The following MISP3 variants were observed in gnomAD, a reference collection of about 807,000 sequenced individuals.
MISP3 encodes uncharacterized protein MISP3.
A neutral mutation model predicts 5.5 loss-of-function variants in MISP3; 9 were observed. The ratio of observed to expected loss-of-function variants is 1.65; its 90% CI spans 0.99 to 2.87. The LOEUF is 2.87. Ranked by LOEUF, MISP3 falls within the 30% of genes most tolerant of loss-of-function variation. The pLI is 0.00. For missense variants in MISP3, 152 were observed against 84.1 expected (o/e 1.81, Z -3.16); for synonymous variants, 87 against 38.1 (o/e 2.28, Z -4.73).
rs1167093199 is a variant in MISP3 at position 14,073,273 on chromosome 19, C to A, written c.-37C>A. 1 of 690,150 alleles carries A rather than the reference C, an allele frequency of 1.4e-6. No homozygotes were observed. Among genetic ancestry groups the A allele is most frequent in the Non-Finnish European group, 2.7e-6 (1 of 376,768 alleles). The allele number at this position is 690,150 out of a possible 1,614,324, so 42.8% of individuals were successfully genotyped here. ...CCCCCCACCTGCGTTTTCCGCCGTGCCCCGAGGCTCCCCAGCGTCCCCCGG... is the reference window on the plus strand; with the variant it reads ...CCCCCCACCTGCGTTTTCCGCCGTGACCCGAGGCTCCCCAGCGTCCCCCGG... On this transcript the variant is annotated 5_prime_UTR_variant, in exon 1 of 3. Transcript: ENST00000587086. This position sits in a 1 kb window ranked among gnomAD's most constrained non-coding sequence, Gnocchi z 8.5.
In MISP3 at chr19:14,073,900, C is replaced by CT. The variant is rs1568515143; in HGVS notation, c.568+23_568+24insT. The CT allele has an allele frequency of 6.0e-6, 4 of 661,398 alleles. No homozygotes were observed. The African/African-American group carries it at 1.1e-4, about 18-fold the overall frequency. 41.0% of individuals were successfully genotyped at this position (661,398 alleles called of 1,614,324 possible). ...CCGGTAAGCCGCGGGCGTAGCAACGCCGGGACCCCCAGGGTTCCAGCCGCC... is the reference window on the plus strand; with the variant it reads ...CCGGTAAGCCGCGGGCGTAGCAACGCTCGGGACCCCCAGGGTTCCAGCCGCC... On this transcript the variant is annotated intron_variant, in intron 1 of 2. Transcript: ENST00000587086. This position sits in a 1 kb window ranked among gnomAD's most constrained non-coding sequence, Gnocchi z 8.5.
In MISP3 at chr19:14,074,354, C is replaced by G; in HGVS notation, c.569-36C>G. ...GCGGCCGGCCTTTCATCCTGGCTGC[C>G]GCCAGCTGGTGAGCTGAGCGCCCCT... is the stretch of plus-strand genomic sequence containing the variant. On this transcript the variant is annotated intron_variant, in intron 1 of 2. Transcript: ENST00000587086. The surrounding 1 kb of genome is among the most constrained non-coding windows in gnomAD (Gnocchi z 4.4). 1 of 701,216 alleles carries G rather than the reference C, an allele frequency of 1.4e-6. No individual in the cohort carries two copies. Among genetic ancestry groups the G allele is most frequent in the Non-Finnish European group, 2.6e-6 (1 of 384,216 alleles). 43.4% of individuals were successfully genotyped at this position (701,216 alleles called of 1,614,324 possible).
chr19:14,074,158 G>C lies in MISP3; in HGVS notation c.569-232G>C. The C allele has an allele frequency of 1.7e-6, 1 of 593,266 alleles. No homozygotes were observed. Among genetic ancestry groups the C allele is most frequent in the East Asian group, 2.8e-5 (1 of 35,584 alleles). 36.8% of individuals were successfully genotyped at this position (593,266 alleles called of 1,614,324 possible). ...ATGTCTTCCTTTTTGTCGGGTTCCA[G>C]GGAACCCTGACTGGGTTCTGGCACT... is the stretch of plus-strand genomic sequence containing the variant. On this transcript the variant is annotated intron_variant, in intron 1 of 2. Coordinates refer to ENST00000587086, the MANE Select transcript of MISP3 (RefSeq NM_001291291.2). This position sits in a 1 kb window ranked among gnomAD's most constrained non-coding sequence, Gnocchi z 4.4.
chr19:14,074,852 T>A lies in MISP3; in HGVS notation c.*129T>A. ...TTGGGGAAGATGAAATCGACTTGCC[T>A]TTGTGAAATTGACCAGCCCCCTCTA... On this transcript the variant is annotated 3_prime_UTR_variant, in exon 3 of 3. Transcript: ENST00000587086. The surrounding 1 kb of genome is among the most constrained non-coding windows in gnomAD (Gnocchi z 4.4). 1 of 656,438 alleles carries A rather than the reference T, an allele frequency of 1.5e-6. No homozygotes were observed. Among genetic ancestry groups the A allele is most frequent in the Non-Finnish European group, 2.8e-6 (1 of 352,486 alleles). 40.7% of individuals were successfully genotyped at this position (656,438 alleles called of 1,614,324 possible).
chr19:14,073,933 A>G lies in MISP3; in HGVS notation c.568+56A>G. 1.5e-6 allele frequency: 1 copy of G among 682,564 alleles called. No homozygotes were observed. The highest frequency in any genetic ancestry group is 1.5e-5 in the South Asian group (1 of 66,242). The allele number at this position is 682,564 out of a possible 1,614,324, so 42.3% of individuals were successfully genotyped here. A position where few individuals can be genotyped will look rare whatever the true frequency, so the allele number is the denominator to read the frequency against. On this transcript the variant is annotated intron_variant, in intron 1 of 2. Coordinates refer to ENST00000587086, the MANE Select transcript of MISP3 (RefSeq NM_001291291.2). This position sits in a 1 kb window ranked among gnomAD's most constrained non-coding sequence, Gnocchi z 8.5. ...CCCAGGGTTCCAGCCGCCCCCACCG[A>G]TTGCCCAACTTCAGTGGCCCCTCCT...
Position 14,073,250 on chromosome 19 carries a change from C to T in MISP3, c.-60C>T, listed in dbSNP as rs1348844462. ...CTCCTCCAGGTCAGGCTCGGAAGCC[C>T]CCCACCTGCGTTTTCCGCCGTGCCC... On this transcript the variant is annotated 5_prime_UTR_variant, in exon 1 of 3. Coordinates refer to ENST00000587086, the MANE Select transcript of MISP3 (RefSeq NM_001291291.2). This position sits in a 1 kb window ranked among gnomAD's most constrained non-coding sequence, Gnocchi z 8.5. The T allele has an allele frequency of 2.9e-6, 2 of 684,918 alleles. No individual in the cohort carries two copies. The highest frequency in any genetic ancestry group is 3.0e-5 in the South Asian group (2 of 66,762). The allele number at this position is 684,918 out of a possible 1,614,324, so 42.4% of individuals were successfully genotyped here.
chr19:14,073,040 G>T lies in MISP3; in HGVS notation c.-270G>T, dbSNP rs893692580. On this transcript the variant is annotated 5_prime_UTR_variant, in exon 1 of 3. Transcript: ENST00000587086. The surrounding 1 kb of genome is among the most constrained non-coding windows in gnomAD (Gnocchi z 8.5). Reference sequence around the variant, plus strand: ...GGTCCCCAAGCCCTCCGCAAAGGACGTGGAGATCCTGGAGCAAGAGAGCGA... The same window carrying T: ...GGTCCCCAAGCCCTCCGCAAAGGACTTGGAGATCCTGGAGCAAGAGAGCGA... 21 of 552,678 alleles carry T rather than the reference G, an allele frequency of 3.8e-5. No homozygotes were observed. Among genetic ancestry groups the T allele is most frequent in the Admixed American group, 3.1e-4 (14 of 45,172 alleles). The allele number at this position is 552,678 out of a possible 1,614,324, so 34.2% of individuals were successfully genotyped here.
rs912819200 is a variant in MISP3 at position 14,073,348 on chromosome 19, C to G, written c.39C>G (p.Cys13Trp). The change falls in exon 1 of 3, where the codon TGC (cysteine) becomes TGG (tryptophan). Residue 13 changes from cysteine (C) to tryptophan (W), a missense_variant. Transcript: ENST00000587086. This position sits in a 1 kb window ranked among gnomAD's most constrained non-coding sequence, Gnocchi z 8.5. ...TCGAGCGCGAAATCCGCCGCAGCTG[C>G]GAACGCGAGGAGAGCCTGCGCCGGA... ...TPIEREIRRSCEREESLRRSR... is the reference protein window; with the variant it reads ...TPIEREIRRSWEREESLRRSR... 4.3e-6 allele frequency: 3 copies of G among 699,654 alleles called. No individual in the cohort carries two copies. In the African/African-American group the frequency reaches 5.3e-5, roughly 12 times the overall value. 43.3% of individuals were successfully genotyped at this position (699,654 alleles called of 1,614,324 possible).
Position 14,074,192 on chromosome 19 carries a change from C to T in MISP3, c.569-198C>T, listed in dbSNP as rs1361628196. On this transcript the variant is annotated intron_variant, in intron 1 of 2. Transcript: ENST00000587086. The surrounding 1 kb of genome is among the most constrained non-coding windows in gnomAD (Gnocchi z 4.4). Reference sequence around the variant, plus strand: ...GACTGGGTTCTGGCACTCCTGGGTCCTCCCTCTGAATTTTCGGGCTCCTGC... The same window carrying T: ...GACTGGGTTCTGGCACTCCTGGGTCTTCCCTCTGAATTTTCGGGCTCCTGC... 2 of 597,052 alleles carry T rather than the reference C, an allele frequency of 3.3e-6. No individual in the cohort carries two copies. The highest frequency in any genetic ancestry group is 2.0e-5 in the South Asian group (1 of 49,246). 37.0% of individuals were successfully genotyped at this position (597,052 alleles called of 1,614,324 possible). A position where few individuals can be genotyped will look rare whatever the true frequency, so the allele number is the denominator to read the frequency against.
In MISP3 at chr19:14,072,999, C is replaced by T. The variant is rs1052352748; in HGVS notation, c.-311C>T. 2.0e-6 allele frequency: 1 copy of T among 498,572 alleles called. No homozygotes were observed. The highest frequency in any genetic ancestry group is 1.5e-5 in the South Asian group (1 of 64,954). The allele number at this position is 498,572 out of a possible 1,614,324, so 30.9% of individuals were successfully genotyped here. On this transcript the variant is annotated 5_prime_UTR_variant, in exon 1 of 3. Transcript: ENST00000587086. This position sits in a 1 kb window ranked among gnomAD's most constrained non-coding sequence, Gnocchi z 6.8. The stretch of plus-strand genomic sequence containing the variant: ...AGACAGCGAAGCCCCAGAGCTGCTG[C>T]GGAGCTGAACACCGAGGTCCCCAAG...
rs1976666501 is a variant in MISP3, at chr19:14,074,886, ACAGTCCCC to A, written c.*166_*173del. The A allele has an allele frequency of 3.3e-6, 2 of 615,206 alleles. No individual in the cohort carries two copies. The highest frequency in any genetic ancestry group is 3.5e-5 in the South Asian group (2 of 56,742). The allele number at this position is 615,206 out of a possible 1,614,324, so 38.1% of individuals were successfully genotyped here. A position where few individuals can be genotyped will look rare whatever the true frequency, so the allele number is the denominator to read the frequency against. On this transcript the variant is annotated 3_prime_UTR_variant, in exon 3 of 3. Coordinates refer to ENST00000587086, the MANE Select transcript of MISP3 (RefSeq NM_001291291.2). This position sits in a 1 kb window ranked among gnomAD's most constrained non-coding sequence, Gnocchi z 4.4. Reference sequence around the variant, plus strand: ...TTGACCAGCCCCCTCTATAAAACTTACAGTCCCCCATTGGGAAACTGACCACCACCCAC... The same window carrying A: ...TTGACCAGCCCCCTCTATAAAACTTACATTGGGAAACTGACCACCACCCAC...
chr19:14,072,977 C>G lies in MISP3; in HGVS notation c.-333C>G, dbSNP rs549667559. On this transcript the variant is annotated 5_prime_UTR_variant, in exon 1 of 3. Transcript: ENST00000587086. This position sits in a 1 kb window ranked among gnomAD's most constrained non-coding sequence, Gnocchi z 6.8. ...AGGGCCAGGAGTCCCCAGGGCCAGA[C>G]AGCGAAGCCCCAGAGCTGCTGCGGA... 18 of 482,062 alleles carry G rather than the reference C, an allele frequency of 3.7e-5. No homozygotes were observed. Among genetic ancestry groups the G allele is most frequent in the African/African-American group, 2.5e-4 (13 of 51,170 alleles). The allele number at this position is 482,062 out of a possible 1,614,324, so 29.9% of individuals were successfully genotyped here.
Position 14,074,470 on chromosome 19 carries a change from G to A in MISP3, c.642+7G>A. 1 of 702,400 alleles carries A rather than the reference G, an allele frequency of 1.4e-6. No homozygotes were observed. Among genetic ancestry groups the A allele is most frequent in the Non-Finnish European group, 2.6e-6 (1 of 384,856 alleles). 43.5% of individuals were successfully genotyped at this position (702,400 alleles called of 1,614,324 possible). On this transcript the variant is annotated splice_region_variant and intron_variant, in intron 2 of 2. Coordinates refer to ENST00000587086, the MANE Select transcript of MISP3 (RefSeq NM_001291291.2). The surrounding 1 kb of genome is among the most constrained non-coding windows in gnomAD (Gnocchi z 4.4). The stretch of plus-strand genomic sequence containing the variant: ...GGAGAACGGCCTGGAGCAGGTGGGA[G>A]CCCCCTTACCCGTGTGCCTCTAGCG...
chr19:14,074,852 T>C lies in MISP3; in HGVS notation c.*129T>C. ...TTGGGGAAGATGAAATCGACTTGCC[T>C]TTGTGAAATTGACCAGCCCCCTCTA... On this transcript the variant is annotated 3_prime_UTR_variant, in exon 3 of 3. Transcript: ENST00000587086. This position sits in a 1 kb window ranked among gnomAD's most constrained non-coding sequence, Gnocchi z 4.4. 1 of 656,438 alleles carries C rather than the reference T, an allele frequency of 1.5e-6. No homozygotes were observed. The highest frequency in any genetic ancestry group is 2.8e-6 in the Non-Finnish European group (1 of 352,486). The allele number at this position is 656,438 out of a possible 1,614,324, so 40.7% of individuals were successfully genotyped here.
Position 14,073,446 on chromosome 19 carries a change from C to G in MISP3, c.137C>G (p.Pro46Arg), listed in dbSNP as rs896435341. ...CGCGTGCGGCCGGTGCTCAACCTGC[C>G]GGGTCCTGGCCCCGCGCTCCCGCGC... ...ELRVRPVLNLPGPGPALPRAL... is the reference protein window; with the variant it reads ...ELRVRPVLNLRGPGPALPRAL... Residue 46 changes from proline to arginine, a missense_variant, in exon 1 of 3, where the codon CCG becomes CGG. Coordinates refer to ENST00000587086, the MANE Select transcript of MISP3 (RefSeq NM_001291291.2). This position sits in a 1 kb window ranked among gnomAD's most constrained non-coding sequence, Gnocchi z 8.5. 6 of 607,162 alleles carry G rather than the reference C, an allele frequency of 9.9e-6. No individual in the cohort carries two copies. Among genetic ancestry groups the G allele is most frequent in the East Asian group, 3.4e-5 (1 of 29,818 alleles). The allele number at this position is 607,162 out of a possible 1,614,324, so 37.6% of individuals were successfully genotyped here.
rs1038524733 is a variant in MISP3, at chr19:14,074,130, C to T, written c.568+253C>T. The T allele has an allele frequency of 2.5e-5, 15 of 593,410 alleles. No homozygotes were observed. In the African/African-American group the frequency reaches 2.8e-4, roughly 11 times the overall value. The allele number at this position is 593,410 out of a possible 1,614,324, so 36.8% of individuals were successfully genotyped here. On this transcript the variant is annotated intron_variant, in intron 1 of 2. Transcript: ENST00000587086. The surrounding 1 kb of genome is among the most constrained non-coding windows in gnomAD (Gnocchi z 4.4). ...AGGCTGCGCGGGGGTGGGGGCATTC[C>T]AGATGTCTTCCTTTTTGTCGGGTTC...
At position 14,074,393 on chromosome 19, in the gene MISP3, G is replaced by T. The variant is rs1281476346; in HGVS notation, c.572G>T (p.Ser191Ile). The T allele has an allele frequency of 4.3e-6, 3 of 702,720 alleles. No individual in the cohort carries two copies. In the African/African-American group the frequency reaches 5.2e-5, roughly 12 times the overall value. The allele number at this position is 702,720 out of a possible 1,614,324, so 43.5% of individuals were successfully genotyped here. A position where few individuals can be genotyped will look rare whatever the true frequency, so the allele number is the denominator to read the frequency against. Residue 191 changes from serine to isoleucine, a missense_variant, in exon 2 of 3, where the codon AGC becomes ATC. Coordinates refer to ENST00000587086, the MANE Select transcript of MISP3 (RefSeq NM_001291291.2). The surrounding 1 kb of genome is among the most constrained non-coding windows in gnomAD (Gnocchi z 4.4). ...FKEPTPSLTA[S>I]RGDGKLVVIW... ...CTGAGCGCCCCTTCCCCCGCAGCGA[G>T]CAGGGGCGACGGAAAGTTGGTGGTG...
At position 14,074,915 on chromosome 19, in the gene MISP3, C is replaced by G; in HGVS notation, c.*192C>G. On this transcript the variant is annotated 3_prime_UTR_variant, in exon 3 of 3. Coordinates refer to ENST00000587086, the MANE Select transcript of MISP3 (RefSeq NM_001291291.2). The surrounding 1 kb of genome is among the most constrained non-coding windows in gnomAD (Gnocchi z 4.4). ...TCCCCCATTGGGAAACTGACCACCA[C>G]CCACAACTCCGCCAGTGAAACTGCC... is the stretch of plus-strand genomic sequence containing the variant. 1 of 597,614 alleles carries G rather than the reference C, an allele frequency of 1.7e-6. No individual in the cohort carries two copies. The highest frequency in any genetic ancestry group is 3.1e-6 in the Non-Finnish European group (1 of 326,692). The allele number at this position is 597,614 out of a possible 1,614,324, so 37.0% of individuals were successfully genotyped here. A position where few individuals can be genotyped will look rare whatever the true frequency, so the allele number is the denominator to read the frequency against.
In MISP3 at chr19:14,073,134, G is replaced by C; in HGVS notation, c.-176G>C. The C allele has an allele frequency of 1.5e-6, 1 of 665,264 alleles. No individual in the cohort carries two copies. The highest frequency in any genetic ancestry group is 2.8e-6 in the Non-Finnish European group (1 of 360,880). 41.2% of individuals were successfully genotyped at this position (665,264 alleles called of 1,614,324 possible). Reference sequence around the variant, plus strand: ...CTGTCCACAGCTGCGGGCTTTGAGAGTCCTGAGCCAGGCAGAGACGACCCT... The same window carrying C: ...CTGTCCACAGCTGCGGGCTTTGAGACTCCTGAGCCAGGCAGAGACGACCCT... On this transcript the variant is annotated 5_prime_UTR_variant, in exon 1 of 3. Coordinates refer to ENST00000587086, the MANE Select transcript of MISP3 (RefSeq NM_001291291.2). The surrounding 1 kb of genome is among the most constrained non-coding windows in gnomAD (Gnocchi z 8.5).
Sources: allele counts gnomAD v4.1 joint callset, GRCh38; gene constraint gnomAD v4.1.1; non-coding constraint Gnocchi (gnomAD v3.1); transcripts MANE v1.5; gene names NCBI Gene and HGNC (gene_info 2026-07-23, HGNC 2026-07-21).